RARS1: variants seen among roughly 807,000 people sequenced by gnomAD.
The protein encoded by RARS1 is arginine--tRNA ligase, cytoplasmic.
RARS1 carries 75 observed loss-of-function variants against 78.7 expected under a neutral mutation model. That is an observed-to-expected ratio of 0.95 (90% CI 0.79 to 1.15). The LOEUF (loss-of-function observed/expected upper bound fraction) is 1.15. Ranked by LOEUF, RARS1 falls within the 50% of genes most tolerant of loss-of-function variation. The probability of loss-of-function intolerance (pLI) is 0.00; values close to 1 mark genes in which losing one functional copy is unlikely to be tolerated. For missense variants in RARS1, 787 were observed against 787.5 expected (o/e 1.00, Z 0.01); for synonymous variants, 273 against 268.2 (o/e 1.02, Z -0.18).
intron 2 of RARS1, among the ~76,000 whole-genome samples, chr5:168,492,026 A>G (rs1398668109): frequency 6.8e-6 from 1 of 147,816 alleles, no homozygotes; most frequent in Non-Finnish European, 1.5e-5. Context: ...GAAGAGAGCC[A>G]TGAATTAAGC....
chr5:168,510,999 C>T (rs571665352), intron 12 of RARS1, among the ~76,000 whole-genome samples: 1 of 152,230 alleles, frequency 6.6e-6, no homozygotes, highest in South Asian at 2.1e-4. Flanking sequence ...GATTCGTCAG[C>T]TCACATCAGA....
intron 13 of RARS1, among the ~76,000 whole-genome samples, chr5:168,517,391 C>G (rs984516395): frequency 2.0e-5 from 3 of 152,186 alleles, no homozygotes; most frequent in African/African-American, 7.2e-5. Context: ...GATTCACCCG[C>G]CTCGGCCTCC....
intron 11 of RARS1, among the ~76,000 whole-genome samples, chr5:168,509,504 T>G (rs1230609844): frequency 4.0e-5 from 6 of 150,010 alleles, no homozygotes; most frequent in Admixed American, 4.0e-4. Flanking sequence ...AACTTTTTTG[T>G]TTAATACATA....
At chr5:168,498,259 A>T (rs1373642920) in intron 7 of RARS1, among the ~76,000 whole-genome samples, 4 of 151,232 alleles carry the variant, frequency 2.6e-5, no homozygotes, top group South Asian at 2.1e-4. Flanking sequence ...AAAAAAAAGT[A>T]AAAAAAAATG....
At chr5:168,498,645 G>A (rs1310785108) in intron 7 of RARS1, among the ~76,000 whole-genome samples, 1 of 151,930 alleles carries the variant, frequency 6.6e-6, no homozygotes, top group Non-Finnish European at 1.5e-5. Flanking sequence ...AAATAGCTTT[G>A]TACACTTGGA....
intron 12 of RARS1, among the ~76,000 whole-genome samples, chr5:168,511,160 TG>T (rs1188348262): frequency 1.3e-5 from 2 of 151,832 alleles, no homozygotes; most frequent in Admixed American, 1.3e-4. Context: ...TCAGTTTGTG[TG>T]GAATTTGGAG....
intron 3 of RARS1, 89 bp from the exon 4 acceptor site, chr5:168,493,804 TA>T: frequency 1.0e-6 from 1 of 967,284 alleles, no homozygotes; most frequent in Non-Finnish European, 1.6e-6. Context: ...GTTCTTAACG[TA>T]AAATGCATCT....
intron 9 of RARS1, among the ~76,000 whole-genome samples, chr5:168,504,353 G>A (rs995037004): frequency 2.0e-5 from 3 of 151,748 alleles, no homozygotes; most frequent in African/African-American, 4.8e-5. Flanking sequence ...GTGAAACCCC[G>A]TGTCTACTAA....
At chr5:168,518,508 T>C (rs1259089602) in intron 14 of RARS1, among the ~76,000 whole-genome samples, 2 of 152,112 alleles carry the variant, frequency 1.3e-5, no homozygotes, top group Non-Finnish European at 2.9e-5. Flanking sequence ...AGAAAACAAT[T>C]GGAAGATGAC....
Position 168,519,234 on chromosome 5 carries a change from A to AT in RARS1, c.*46dup, listed in dbSNP as rs773810373. 1 of 1,470,954 alleles carries AT rather than the reference A, an allele frequency of 6.8e-7. No homozygotes were observed. The highest frequency in any genetic ancestry group is 2.3e-5 in the East Asian group (1 of 43,642). 91.1% of individuals were successfully genotyped at this position (1,470,954 alleles called of 1,614,324 possible). On this transcript the variant is annotated 3_prime_UTR_variant, in exon 15 of 15. Coordinates refer to ENST00000231572, the MANE Select transcript of RARS1 (RefSeq NM_002887.4). ...ACTGTGTGTTTTTACCAAAGTGGCCATTGGCACTGTTTGCTTTTTTACAAT... is the reference window on the plus strand; with the variant it reads ...ACTGTGTGTTTTTACCAAAGTGGCCATTTGGCACTGTTTGCTTTTTTACAAT...
intron 13 of RARS1, 78 bp from the exon 14 acceptor site, chr5:168,517,737 A>G: frequency 6.6e-7 from 1 of 1,523,620 alleles, no homozygotes; most frequent in Admixed American, 2.1e-5. Flanking sequence ...AATCGGTGAT[A>G]ATTTCGAGTG....
At chr5:168,486,627 C>T (rs1933280378) in intron 1 of RARS1, 84 bp downstream of exon 1, 7 of 1,436,196 alleles carry the variant, frequency 4.9e-6, no homozygotes, top group South Asian at 1.2e-5. Flanking sequence ...GGGGGCGGGA[C>T]AGCTAGGCGA....
rs142218261 is a variant in RARS1 at position 168,514,763 on chromosome 5, A to G, written c.1453-2015A>G. ...ACTAATGACCTTTTTCTAGTCTAAG[A>G]TCCAGTCCAGGATAACATGTTACAT... On this transcript the variant is annotated intron_variant, in intron 12 of 14. Transcript: ENST00000231572. Among the ~76,000 whole-genome samples, 281 of 152,314 alleles carry G rather than the reference A, an allele frequency of 1.8e-3. No homozygotes were observed. In the Middle Eastern group the frequency reaches 0.027, roughly 15 times the overall value.
At chr5:168,492,956 C>T (rs1758116341) in intron 3 of RARS1, 109 bp downstream of exon 3, 4 of 1,061,352 alleles carry the variant, frequency 3.8e-6, no homozygotes, top group East Asian at 4.9e-5. Flanking sequence ...GTGAAAAGGA[C>T]ATTTGCCACA....
chr5:168,516,578 T>A (rs1171960434), intron 12 of RARS1, among the ~76,000 whole-genome samples, 200 bp from the exon 13 acceptor site: 3 of 152,234 alleles, frequency 2.0e-5, no homozygotes, highest in Admixed American at 2.0e-4. Flanking sequence ...ACATTCTTCA[T>A]TGTGCATAAC....
chr5:168,487,753 A>C (rs532364217), intron 1 of RARS1, among the ~76,000 whole-genome samples: 2 of 152,312 alleles, frequency 1.3e-5, no homozygotes, highest in South Asian at 4.1e-4. Flanking sequence ...TGGAAGCTTT[A>C]TTTCTTTCTG....
At chr5:168,502,361 A>AATATATATATATATATATATATAT (rs891831890) in intron 9 of RARS1, among the ~76,000 whole-genome samples, 1 of 133,600 alleles carries the variant, frequency 7.5e-6, no homozygotes, top group African/African-American at 2.9e-5. Context: ...TATAATAACA[A>AATATATATATATATATATATATAT]ATATATATAT....
intron 9 of RARS1, 90 bp downstream of exon 9, chr5:168,502,195 C>G: frequency 6.7e-7 from 1 of 1,485,232 alleles, no homozygotes; most frequent in Admixed American, 2.4e-5. Flanking sequence ...GCTTCATGTA[C>G]TCATCATCCA....
intron 12 of RARS1, 37 bp downstream of exon 12, chr5:168,510,723 C>A: frequency 1.4e-6 from 2 of 1,459,608 alleles, no homozygotes; most frequent in Non-Finnish European, 1.9e-6. Flanking sequence ...GTGTATCAAG[C>A]ATTGTGATTT....
Sources: gnomAD v4.1 joint callset for allele counts (sites outside exome capture counted in the v4.1 genomes callset) on GRCh38, gnomAD v4.1.1 for gene constraint, MANE v1.5 for transcripts, NCBI Gene and HGNC (gene_info 2026-07-23, HGNC 2026-07-21) for gene names.